PPP2R5E: variants seen among roughly 807,000 people sequenced by gnomAD.
PPP2R5E encodes the protein protein phosphatase 2 regulatory subunit B'epsilon, also known as serine/threonine-protein phosphatase 2A 56 kDa regulatory subunit epsilon isoform.
A neutral mutation model predicts 65.3 loss-of-function variants in PPP2R5E; 4 were observed. The observed-to-expected ratio is 0.06, with a 90% CI of 0.03 to 0.14. The LOEUF (loss-of-function observed/expected upper bound fraction) is 0.14. PPP2R5E is among the 10% of genes least tolerant of loss of function. PPP2R5E has a pLI of 1.00. For missense variants in PPP2R5E, 274 were observed against 556.1 expected, an observed-to-expected ratio of 0.49 and a Z score of 5.10; for synonymous variants, 183 against 187.4, an observed-to-expected ratio of 0.98 and a Z score of 0.19.
intron 5 of PPP2R5E, among the ~76,000 whole-genome samples, chr14:63,404,916 T>C (rs138985479): frequency 1.2e-3 from 189 of 152,328 alleles, no homozygotes; most frequent in African/African-American, 3.5e-3. Context: ...AGGCAGGGAC[T>C]AGCTACATAA....
chr14:63,448,787 C>CAAAAAAAAAAAAAAA (rs36096050), intron 3 of PPP2R5E, among the ~76,000 whole-genome samples: 1 of 86,610 alleles, frequency 1.2e-5, no homozygotes. Context: ...AAGACTTCGT[C>CAAAAAAAAAAAAAAA]AAAAAAAAAA....
At chr14:63,493,493 T>C (rs113418374) in intron 2 of PPP2R5E, among the ~76,000 whole-genome samples, 1 of 114,226 alleles carries the variant, frequency 8.8e-6, no homozygotes, top group Admixed American at 1.1e-4. Context: ...CGTGTGTGTG[T>C]GCGTGTGTGT....
At chr14:63,493,601 G>C (rs933399889) in intron 2 of PPP2R5E, among the ~76,000 whole-genome samples, 1 of 152,026 alleles carries the variant, frequency 6.6e-6, no homozygotes, top group Non-Finnish European at 1.5e-5. Flanking sequence ...GCTAAATAAA[G>C]GCTGCTTACA....
chr14:63,467,782 A>G (rs1208354877), intron 2 of PPP2R5E, among the ~76,000 whole-genome samples: 2 of 152,242 alleles, frequency 1.3e-5, no homozygotes, highest in Non-Finnish European at 2.9e-5. Context: ...GGGGTCACAC[A>G]CACACAGACT....
intron 13 of PPP2R5E, among the ~76,000 whole-genome samples, chr14:63,378,891 T>C (rs1194080524): frequency 6.6e-6 from 1 of 152,248 alleles, no homozygotes; most frequent in Non-Finnish European, 1.5e-5. Context: ...ATTCAGTTAT[T>C]CTCTGACAGT....
intron 5 of PPP2R5E, among the ~76,000 whole-genome samples, chr14:63,406,130 G>A (rs902418902): frequency 6.6e-6 from 1 of 152,114 alleles, no homozygotes; most frequent in Admixed American, 6.5e-5. Context: ...ACAGACTGTT[G>A]GCCAGGCGCA....
chr14:63,516,821 A>C (rs1892687775), intron 2 of PPP2R5E, among the ~76,000 whole-genome samples: 2 of 152,236 alleles, frequency 1.3e-5, no homozygotes, highest in South Asian at 4.1e-4. Flanking sequence ...CCTTCGGTTC[A>C]GTAATGTACT....
At chr14:63,400,446 T>C (rs1313781623) in intron 5 of PPP2R5E, among the ~76,000 whole-genome samples, 1 of 152,096 alleles carries the variant, frequency 6.6e-6, no homozygotes. Flanking sequence ...TCCTCACAGG[T>C]TCAATAGTAC....
chr14:63,507,666 G>A (rs1410570498), intron 2 of PPP2R5E, among the ~76,000 whole-genome samples: 2 of 135,292 alleles, frequency 1.5e-5, no homozygotes, highest in Non-Finnish European at 1.5e-5. Context: ...TGCAAGCTCC[G>A]CCTCCCAGGT....
At chr14:63,400,719 T>G (rs1056908470) in intron 5 of PPP2R5E, among the ~76,000 whole-genome samples, 1 of 23,536 alleles carries the variant, frequency 4.2e-5, no homozygotes, top group African/African-American at 1.1e-4. Context: ...AGGCCCCATA[T>G]AGACTCAGTA....
At chr14:63,511,422 G>A (rs1258344933) in intron 2 of PPP2R5E, among the ~76,000 whole-genome samples, 1 of 152,128 alleles carries the variant, frequency 6.6e-6, no homozygotes, top group Non-Finnish European at 1.5e-5. Context: ...TCCATCTGAC[G>A]GGATGTTCAT....
chr14:63,533,621 G>A (rs180911489), intron 2 of PPP2R5E, among the ~76,000 whole-genome samples: 13 of 151,558 alleles, frequency 8.6e-5, no homozygotes, highest in African/African-American at 2.4e-4. Flanking sequence ...AAAATGCCTC[G>A]GAAATGTATA....
chr14:63,439,364 T>G (rs549892341), intron 3 of PPP2R5E, among the ~76,000 whole-genome samples: 44 of 152,008 alleles, frequency 2.9e-4, no homozygotes, highest in African/African-American at 6.5e-4. Flanking sequence ...GTTTTTTTTT[T>G]TTGTTTTTGT....
intron 3 of PPP2R5E, among the ~76,000 whole-genome samples, chr14:63,441,777 G>A (rs1888250734): frequency 6.6e-6 from 1 of 151,976 alleles, no homozygotes; most frequent in South Asian, 2.1e-4. Flanking sequence ...GGGTGTGGTG[G>A]CGGGCACCTG....
At chr14:63,458,473 A>G (rs1411279800) in intron 2 of PPP2R5E, among the ~76,000 whole-genome samples, 1 of 152,140 alleles carries the variant, frequency 6.6e-6, no homozygotes, top group Non-Finnish European at 1.5e-5. Context: ...TGAGTTTGGT[A>G]CTCTGGGACT....
At chr14:63,435,721 C>T (rs1243721583) in intron 3 of PPP2R5E, among the ~76,000 whole-genome samples, 1 of 152,196 alleles carries the variant, frequency 6.6e-6, no homozygotes, top group African/African-American at 2.4e-5. Context: ...ATGAACCCTC[C>T]GCTTCCATTC....
chr14:63,374,668 T>TAA lies in PPP2R5E; in HGVS notation c.*1339_*1340dup, dbSNP rs71120259. On this transcript the variant is annotated 3_prime_UTR_variant, in exon 14 of 14. Coordinates refer to ENST00000337537, the MANE Select transcript of PPP2R5E (RefSeq NM_006246.5). Reference sequence around the variant, plus strand: ...ATATATATATATATATATATATATATAAAATACAGCCCTAGATTTTGTTTT... The same window carrying TAA: ...ATATATATATATATATATATATATATAAAAAATACAGCCCTAGATTTTGTTTT... 11 of 119,282 alleles carry TAA rather than the reference T, an allele frequency of 9.2e-5. No individual in the cohort carries two copies. Among genetic ancestry groups the TAA allele is most frequent in the African/African-American group, 3.5e-4 (11 of 31,462 alleles). 7.4% of individuals were successfully genotyped at this position (119,282 alleles called of 1,614,324 possible).
chr14:63,394,038 A>T, intron 7 of PPP2R5E, 110 bp from the exon 8 acceptor site: 1 of 605,750 alleles, frequency 1.7e-6, no homozygotes, highest in Non-Finnish European at 2.9e-6. Context: ...ACAAAACAAC[A>T]TAATACCCAC....
chr14:63,415,888 G>C (rs1468740319), intron 4 of PPP2R5E, among the ~76,000 whole-genome samples: 1 of 152,096 alleles, frequency 6.6e-6, no homozygotes, highest in Non-Finnish European at 1.5e-5. Flanking sequence ...TATGTCATGA[G>C]GAAATATTTC....
Sources: allele counts gnomAD v4.1 joint callset (sites outside exome capture counted in the v4.1 genomes callset), GRCh38; gene constraint gnomAD v4.1.1; transcripts MANE v1.5; gene names NCBI Gene and HGNC (gene_info 2026-07-23, HGNC 2026-07-21).